The following CCNB3 variants were observed in gnomAD, a reference collection of about 807,000 sequenced individuals.
CCNB3 encodes the protein cyclin B3.
A neutral mutation model predicts 68.0 loss-of-function variants in CCNB3; 12 were observed. The ratio of observed to expected loss-of-function variants is 0.18; its 90% confidence interval spans 0.11 to 0.29. CCNB3 has a LOEUF of 0.29. Among genes scored for constraint, CCNB3 ranks in the 10% least tolerant of loss-of-function variants. The probability of loss-of-function intolerance (pLI) is 1.00; values close to 1 mark genes in which losing one functional copy is unlikely to be tolerated. For missense variants in CCNB3, 904 were observed against 993.1 expected (o/e 0.91, Z 1.21); for synonymous variants, 354 against 388.9 (o/e 0.91, Z 1.06).
chrX:50,309,011 A>G lies in CCNB3; in HGVS notation c.842A>G (p.His281Arg). 8.3e-7 allele frequency: 1 copy of G among 1,211,160 alleles called. No individual in the cohort carries two copies. The highest frequency in any genetic ancestry group is 1.1e-6 in the Non-Finnish European group (1 of 895,123). The change falls in exon 6 of 13, where the codon CAT (histidine) becomes CGT (arginine). Residue 281 changes from histidine to arginine, a missense_variant. His to Arg is a conservative substitution (Grantham distance 29). Transcript: ENST00000376042. ...AAAACTGAGGAGTCAATCCCCACCCATAAGTTATCATCTTTAAAGAAGAAA... is the reference window on the plus strand; with the variant it reads ...AAAACTGAGGAGTCAATCCCCACCCGTAAGTTATCATCTTTAAAGAAGAAA... ...KPKTEESIPT[H>R]KLSSLKKKCT...
intron 4 of CCNB3, among the ~76,000 whole-genome samples, chrX:50,290,342 T>C (rs782176891): frequency 9.0e-6 from 1 of 111,704 alleles, no homozygotes. Flanking sequence ...CCGTTCCTCA[T>C]GGATGACATC....
At chrX:50,304,075 G>T (rs1318116221) in intron 5 of CCNB3, among the ~76,000 whole-genome samples, 1 of 111,481 alleles carries the variant, frequency 9.0e-6, no homozygotes, top group Non-Finnish European at 1.9e-5. Flanking sequence ...AGCACTATTT[G>T]TTGAGAAAAC....
intron 1 of CCNB3, among the ~76,000 whole-genome samples, chrX:50,228,539 T>C (rs1280936567): frequency 2.3e-5 from 2 of 88,758 alleles, no homozygotes; most frequent in African/African-American, 8.1e-5. Context: ...ATATAGAATA[T>C]ATATAGAAGA....
At chrX:50,298,173 A>G (rs1557211562) in intron 5 of CCNB3, among the ~76,000 whole-genome samples, 1 of 111,543 alleles carries the variant, frequency 9.0e-6, no homozygotes, top group African/African-American at 3.3e-5. Flanking sequence ...ACTATGTTGA[A>G]TAGGAGTGGT....
At chrX:50,300,817 G>A (rs977238864) in intron 5 of CCNB3, among the ~76,000 whole-genome samples, 1 of 111,598 alleles carries the variant, frequency 9.0e-6, no homozygotes, top group East Asian at 2.8e-4. Context: ...ATATTTCTTG[G>A]AGGCTTTGTT....
At chrX:50,312,473 T>C (rs1180807546) in intron 6 of CCNB3, 64 bp from the exon 7 acceptor site, 18 of 859,861 alleles carry the variant, frequency 2.1e-5, no homozygotes, top group Non-Finnish European at 3.1e-5. Context: ...ATCATTGATA[T>C]GTATGTGCTA....
intron 11 of CCNB3, among the ~76,000 whole-genome samples, chrX:50,349,706 A>G (rs1400732977): frequency 1.8e-5 from 2 of 111,868 alleles, no homozygotes; most frequent in African/African-American, 6.5e-5. Context: ...GTTTCCAAAC[A>G]GTATTTGGGG....
In CCNB3 at chrX:50,310,582, CAGG is replaced by C; in HGVS notation, c.2419_2421del (p.Glu807del). ...CCTCTTCAAGAAGCTTTTGGCCATG[CAGG>C]AGGAGCCCAGCATTGAGAAGGAAGC... On this transcript the variant is annotated inframe_deletion, in exon 6 of 13. Transcript: ENST00000376042. The C allele has an allele frequency of 8.3e-7, 1 of 1,211,523 alleles. No homozygotes were observed. The highest frequency in any genetic ancestry group is 1.1e-6 in the Non-Finnish European group (1 of 895,431).
At chrX:50,214,656 TATA>T (rs1227850115) in intron 1 of CCNB3, among the ~76,000 whole-genome samples, 1 of 100,398 alleles carries the variant, frequency 1.0e-5, no homozygotes, top group Non-Finnish European at 2.0e-5. Flanking sequence ...TATAATGAAA[TATA>T]ATATATAATA....
At chrX:50,347,140 G>T (rs1267468830) in intron 10 of CCNB3, among the ~76,000 whole-genome samples, 1 of 111,548 alleles carries the variant, frequency 9.0e-6, no homozygotes, top group African/African-American at 3.3e-5. Flanking sequence ...CCTGAGTATT[G>T]GTTACAAGGG....
At chrX:50,328,858 G>A (rs1922430420) in intron 8 of CCNB3, among the ~76,000 whole-genome samples, 1 of 112,591 alleles carries the variant, frequency 8.9e-6, no homozygotes, top group Non-Finnish European at 1.9e-5. Context: ...AAGGGAGAAT[G>A]AACGAAAGGG....
intron 1 of CCNB3, among the ~76,000 whole-genome samples, chrX:50,219,980 C>T (rs1935642271): frequency 9.0e-6 from 1 of 110,986 alleles, no homozygotes; most frequent in African/African-American, 3.3e-5. Context: ...GTGAAGAGGT[C>T]CTTCAAATCC....
intron 1 of CCNB3, among the ~76,000 whole-genome samples, chrX:50,228,750 T>A (rs1165497034): frequency 1.4e-5 from 1 of 70,373 alleles, no homozygotes; most frequent in Non-Finnish European, 2.5e-5. Context: ...ACATATAGAA[T>A]ATATAGAAAT....
intron 9 of CCNB3, 71 bp downstream of exon 9, chrX:50,342,410 C>A: frequency 2.0e-5 from 19 of 943,474 alleles, no homozygotes; most frequent in East Asian, 3.2e-5. Context: ...AATATATATT[C>A]ATATATATTC....
intron 8 of CCNB3, among the ~76,000 whole-genome samples, chrX:50,320,629 TA>T (rs1427371167): frequency 4.5e-5 from 5 of 110,530 alleles, no homozygotes; most frequent in Admixed American, 2.9e-4. Context: ...TATAACTATT[TA>T]AAAAATAGTT....
intron 5 of CCNB3, among the ~76,000 whole-genome samples, chrX:50,300,475 G>A (rs782535929): frequency 1.0e-3 from 116 of 111,740 alleles, no homozygotes; most frequent in African/African-American, 3.4e-3. Flanking sequence ...ACTCTCTTCC[G>A]GCTTGTAGAG....
chrX:50,226,730 A>G (rs1185790557), intron 1 of CCNB3, among the ~76,000 whole-genome samples: 1 of 80,570 alleles, frequency 1.2e-5, no homozygotes, highest in South Asian at 5.3e-4. Flanking sequence ...GAATATACAT[A>G]TGAATATGTA....
chrX:50,279,278 A>G (rs1936027503), intron 1 of CCNB3, among the ~76,000 whole-genome samples: 1 of 72,374 alleles, frequency 1.4e-5, no homozygotes, highest in African/African-American at 5.8e-5. Flanking sequence ...GAATATATAC[A>G]TATTCATATA....
chrX:50,350,125 G>A (rs1923592168), intron 11 of CCNB3, among the ~76,000 whole-genome samples: 1 of 110,887 alleles, frequency 9.0e-6, no homozygotes, highest in African/African-American at 3.3e-5. Flanking sequence ...TCAAGGGCAG[G>A]TCCCTCATTC....
Sources: allele counts gnomAD v4.1 joint callset (sites outside exome capture counted in the v4.1 genomes callset), GRCh38; gene constraint gnomAD v4.1.1; transcripts MANE v1.5; gene names NCBI Gene and HGNC (gene_info 2026-07-23, HGNC 2026-07-21).